SLC45A1: variants seen among roughly 807,000 people sequenced by gnomAD.
The protein encoded by SLC45A1 is proton-associated sugar transporter A.
In SLC45A1, 28 loss-of-function variants were observed where a neutral mutation model predicts 57.6. That is an observed-to-expected ratio of 0.49 (90% CI 0.36 to 0.67). The LOEUF (loss-of-function observed/expected upper bound fraction) is 0.67, where lower values mean the gene tolerates loss of function less well. Ranked by LOEUF, SLC45A1 falls within the 30% of genes least tolerant of loss-of-function variation. The pLI, the probability that SLC45A1 is intolerant of heterozygous loss-of-function variation, is 0.00. For synonymous variants in SLC45A1, 459 were observed against 471.5 expected, an observed-to-expected ratio of 0.97 and a Z score of 0.34; for missense variants, 814 against 1,041.5, an observed-to-expected ratio of 0.78 and a Z score of 3.01.
chr1:8,341,902 A>G (rs540620455), intron 8 of SLC45A1, among the ~76,000 whole-genome samples: 3 of 151,642 alleles, frequency 2.0e-5, no homozygotes, highest in African/African-American at 7.3e-5. Context: ...CCTGGGTGAC[A>G]GTGGCTATGT....
chr1:8,342,898 C>CAAAAAA (rs111698660), intron 8 of SLC45A1, among the ~76,000 whole-genome samples: 2 of 132,918 alleles, frequency 1.5e-5, no homozygotes, highest in Admixed American at 7.6e-5. Flanking sequence ...GACCCTGTCT[C>CAAAAAA]AAAAAAAAAA....
intron 8 of SLC45A1, among the ~76,000 whole-genome samples, chr1:8,341,499 C>T (rs1235415231): frequency 7.4e-5 from 11 of 148,096 alleles, no homozygotes; most frequent in African/African-American, 2.5e-4. Context: ...CGCACCACTG[C>T]ACTCCAGCCT....
chr1:8,320,688 T>C (rs1346982896), intron 1 of SLC45A1, among the ~76,000 whole-genome samples: 1 of 82,394 alleles, frequency 1.2e-5, no homozygotes, highest in East Asian at 3.7e-4. Context: ...TTTCTCTCTC[T>C]CTCTACACAC....
At position 8,325,764 on chromosome 1, in the gene SLC45A1, G is replaced by A. The variant is rs2271200; in HGVS notation, c.491-54G>A. ...TTCTAGACATAAGTCGTGAGCTGCC[G>A]GGGACAGAGCTGGTCTGCATTTTCT... On this transcript the variant is annotated intron_variant, in intron 3 of 8. Coordinates refer to ENST00000471889, the MANE Select transcript of SLC45A1 (RefSeq NM_001080397.3). The surrounding 1 kb of genome is among the most constrained non-coding windows in gnomAD (Gnocchi z 6.3). 10,576 of 1,511,654 alleles carry A rather than the reference G, an allele frequency of 7.0e-3. 224 individuals are homozygous for A. Among genetic ancestry groups the A allele is most frequent in the South Asian group, 0.045 (3,935 of 88,368 alleles). The allele number at this position is 1,511,654 out of a possible 1,614,324, so 93.6% of individuals were successfully genotyped here.
chr1:8,325,291 G>A lies in SLC45A1; in HGVS notation c.398-7G>A. On this transcript the variant is annotated splice_polypyrimidine_tract_variant and splice_region_variant and intron_variant, in intron 2 of 8. Transcript: ENST00000471889. This position sits in a 1 kb window ranked among gnomAD's most constrained non-coding sequence, Gnocchi z 6.3. ...CTGGCAATGACCGCTGGCCTGCTCT[G>A]TTTCAGGATTCCTACTGCAGCCTCT... is the stretch of plus-strand genomic sequence containing the variant. The A allele has an allele frequency of 2.5e-6, 4 of 1,610,334 alleles. No individual in the cohort carries two copies. The highest frequency in any genetic ancestry group is 2.5e-6 in the Non-Finnish European group (3 of 1,176,652).
rs1640670784 is a variant in SLC45A1 at position 8,337,874 on chromosome 1, G to A, written c.1656G>A (p.Val552=). Residue 552 remains valine (V), a synonymous_variant, in exon 7 of 9, where the codon GTG becomes GTA. Coordinates refer to ENST00000471889, the MANE Select transcript of SLC45A1 (RefSeq NM_001080397.3). ...LFYTDFMGEV[V]FQGDPKAPHT... Reference sequence around the variant, plus strand: ...ACACAGACTTCATGGGCGAGGTGGTGTTTCAGGGGGACCCCAAGGCCCCGC... The same window carrying A: ...ACACAGACTTCATGGGCGAGGTGGTATTTCAGGGGGACCCCAAGGCCCCGC... 8.1e-6 allele frequency: 13 copies of A among 1,614,154 alleles called. No individual in the cohort carries two copies. Among genetic ancestry groups the A allele is most frequent in the Non-Finnish European group, 1.1e-5 (13 of 1,180,058 alleles).
At chr1:8,338,821 C>T (rs1358698254) in intron 7 of SLC45A1, among the ~76,000 whole-genome samples, 3 of 152,110 alleles carry the variant, frequency 2.0e-5, no homozygotes, top group Admixed American at 6.6e-5. Context: ...GGCTGGACTT[C>T]GCCTTCGATC....
chr1:8,338,603 C>G (rs1640700878), intron 7 of SLC45A1, among the ~76,000 whole-genome samples: 1 of 152,250 alleles, frequency 6.6e-6, no homozygotes, highest in African/African-American at 2.4e-5. Context: ...GTTGGTATTT[C>G]CGGCTTTGCC....
Position 8,325,779 on chromosome 1 carries a change from C to G in SLC45A1, c.491-39C>G. On this transcript the variant is annotated intron_variant, in intron 3 of 8. Transcript: ENST00000471889. The surrounding 1 kb of genome is among the most constrained non-coding windows in gnomAD (Gnocchi z 6.3). ...GTGAGCTGCCGGGGACAGAGCTGGT[C>G]TGCATTTTCTTGGGGTGACTTTGTT... The G allele has an allele frequency of 6.3e-7, 1 of 1,574,816 alleles. No individual in the cohort carries two copies. Among genetic ancestry groups the G allele is most frequent in the Non-Finnish European group, 8.7e-7 (1 of 1,150,482 alleles).
In SLC45A1 at chr1:8,326,093, A is replaced by G. The variant is rs757540805; in HGVS notation, c.715+51A>G. 1.7e-5 allele frequency: 25 copies of G among 1,479,730 alleles called. No homozygotes were observed. The highest frequency in any genetic ancestry group is 2.2e-5 in the Non-Finnish European group (24 of 1,077,110). 91.7% of individuals were successfully genotyped at this position (1,479,730 alleles called of 1,614,324 possible). ...CTGAATCTGCCGGGCTGCAGGCTTC[A>G]GACGTGTGGCTTTCGAGGCCCTTCC... On this transcript the variant is annotated intron_variant, in intron 4 of 8. Coordinates refer to ENST00000471889, the MANE Select transcript of SLC45A1 (RefSeq NM_001080397.3). This position sits in a 1 kb window ranked among gnomAD's most constrained non-coding sequence, Gnocchi z 5.5.
rs1418330235 is a variant in SLC45A1, at chr1:8,325,036, T to C, written c.398-262T>C. 6.6e-6 allele frequency among the ~76,000 whole-genome samples: 1 copy of C among 152,196 alleles called. No individual in the cohort carries two copies. The highest frequency in any genetic ancestry group is 2.4e-5 in the African/African-American group (1 of 41,450). On this transcript the variant is annotated intron_variant, in intron 2 of 8. Coordinates refer to ENST00000471889, the MANE Select transcript of SLC45A1 (RefSeq NM_001080397.3). This position sits in a 1 kb window ranked among gnomAD's most constrained non-coding sequence, Gnocchi z 6.3. The stretch of plus-strand genomic sequence containing the variant: ...TGTGAGCCTGGAAGGTCCTGAAATT[T>C]CTTGGATTCCCAAGGAAAGTCGTGG...
chr1:8,323,982 A>C (rs1640113790), intron 1 of SLC45A1, among the ~76,000 whole-genome samples: 1 of 152,122 alleles, frequency 6.6e-6, no homozygotes, highest in South Asian at 2.1e-4. Context: ...GTGTCCTTGG[A>C]GGCCGGAGAG....
At position 8,335,083 on chromosome 1, in the gene SLC45A1, G is replaced by T. The variant is rs1451718319; in HGVS notation, c.1444-354G>T. ...CAGTCTTCTTTTACAAAAAAGAAAG[G>T]ACTTCCTAGGCGTGTGGATCTGAAC... On this transcript the variant is annotated intron_variant, in intron 5 of 8. Coordinates refer to ENST00000471889, the MANE Select transcript of SLC45A1 (RefSeq NM_001080397.3). This position sits in a 1 kb window ranked among gnomAD's most constrained non-coding sequence, Gnocchi z 4.1. Among the ~76,000 whole-genome samples, 1 of 152,140 alleles carries T rather than the reference G, an allele frequency of 6.6e-6. No homozygotes were observed. Among genetic ancestry groups the T allele is most frequent in the African/African-American group, 2.4e-5 (1 of 41,414 alleles).
intron 7 of SLC45A1, among the ~76,000 whole-genome samples, chr1:8,339,235 C>G (rs1363896560): frequency 6.6e-6 from 1 of 152,206 alleles, no homozygotes; most frequent in African/African-American, 2.4e-5. Context: ...GGACCTGGCC[C>G]GGGCCAGTGT....
rs933175168 is a variant in SLC45A1 at position 8,318,183 on chromosome 1, A to C, written c.-28A>C. 1.6e-5 allele frequency: 7 copies of C among 439,614 alleles called. No homozygotes were observed. The highest frequency in any genetic ancestry group is 2.9e-5 in the Non-Finnish European group (7 of 239,690). 27.2% of individuals were successfully genotyped at this position (439,614 alleles called of 1,614,324 possible). ...ACAGGGATGCCTGCCGTCTCCACCC[A>C]CAGGTACCACCGTCTCCTCCGCGCC... On this transcript the variant is annotated 5_prime_UTR_variant, in exon 1 of 9. Transcript: ENST00000471889.
At position 8,344,067 on chromosome 1, in the gene SLC45A1, G is replaced by A. The variant is rs1323569320; in HGVS notation, c.*54G>A. 5 of 1,541,800 alleles carry A rather than the reference G, an allele frequency of 3.2e-6. No individual in the cohort carries two copies. Among genetic ancestry groups the A allele is most frequent in the African/African-American group, 2.7e-5 (2 of 73,190 alleles). The stretch of plus-strand genomic sequence containing the variant: ...GCCTGCACCTGGGGGTCTGGAGCAG[G>A]CCGACCAGTGAGGACCAAAGGGCCT... On this transcript the variant is annotated 3_prime_UTR_variant, in exon 9 of 9. Coordinates refer to ENST00000471889, the MANE Select transcript of SLC45A1 (RefSeq NM_001080397.3).
At position 8,343,522 on chromosome 1, in the gene SLC45A1, A is replaced by G. The variant is rs910375999; in HGVS notation, c.1981-225A>G. On this transcript the variant is annotated intron_variant, in intron 8 of 8. Coordinates refer to ENST00000471889, the MANE Select transcript of SLC45A1 (RefSeq NM_001080397.3). The surrounding 1 kb of genome is among the most constrained non-coding windows in gnomAD (Gnocchi z 7.7). ...CCGCCACCTCGGCCCGTGGGAGCTCAGCCCTCTGCCCCATTAGTCATGGAT... is the reference window on the plus strand; with the variant it reads ...CCGCCACCTCGGCCCGTGGGAGCTCGGCCCTCTGCCCCATTAGTCATGGAT... Among the ~76,000 whole-genome samples the G allele has an allele frequency of 6.6e-6, 1 of 152,132 alleles. No individual in the cohort carries two copies. Among genetic ancestry groups the G allele is most frequent in the Non-Finnish European group, 1.5e-5 (1 of 68,008 alleles).
At position 8,325,487 on chromosome 1, in the gene SLC45A1, G is replaced by A; in HGVS notation, c.490+97G>A. 1.1e-6 allele frequency: 1 copy of A among 899,262 alleles called. No individual in the cohort carries two copies. Among genetic ancestry groups the A allele is most frequent in the East Asian group, 2.6e-5 (1 of 38,560 alleles). 55.7% of individuals were successfully genotyped at this position (899,262 alleles called of 1,614,324 possible). A position where few individuals can be genotyped will look rare whatever the true frequency, so the allele number is the denominator to read the frequency against. On this transcript the variant is annotated intron_variant, in intron 3 of 8. Transcript: ENST00000471889. The surrounding 1 kb of genome is among the most constrained non-coding windows in gnomAD (Gnocchi z 6.3). Reference sequence around the variant, plus strand: ...ATTTTAAAAAATGTTGACCAAAGCAGTTACCCAGATAGCTCTGGGCCCGCA... The same window carrying A: ...ATTTTAAAAAATGTTGACCAAAGCAATTACCCAGATAGCTCTGGGCCCGCA...
At chr1:8,319,348 AT>A (rs1324536683) in intron 1 of SLC45A1, among the ~76,000 whole-genome samples, 1 of 152,220 alleles carries the variant, frequency 6.6e-6, no homozygotes, top group Non-Finnish European at 1.5e-5. Context: ...GGGGGAGCTC[AT>A]TTTCATAACG....
Sources: gnomAD v4.1 joint callset for allele counts (sites outside exome capture counted in the v4.1 genomes callset) on GRCh38, gnomAD v4.1.1 for gene constraint, Gnocchi (gnomAD v3.1) non-coding constraint, MANE v1.5 for transcripts, NCBI Gene and HGNC (gene_info 2026-07-23, HGNC 2026-07-21) for gene names.